PTPRM: variants seen among roughly 807,000 people sequenced by gnomAD.
PTPRM encodes the protein receptor-type tyrosine-protein phosphatase mu.
A neutral mutation model predicts 186.7 loss-of-function variants in PTPRM; 47 were observed. The ratio of observed to expected loss-of-function variants is 0.25; its 90% confidence interval spans 0.20 to 0.32. The LOEUF is 0.32. PTPRM is among the 10% of genes least tolerant of loss of function. PTPRM has a pLI of 1.00. For missense variants in PTPRM, 1,494 were observed against 1,865.0 expected, an observed-to-expected ratio of 0.80 and a Z score of 3.66; for synonymous variants, 668 against 674.9, an observed-to-expected ratio of 0.99 and a Z score of 0.16.
At chr18:7,951,616 A>G (rs1021392344) in intron 6 of PTPRM, among the ~76,000 whole-genome samples, 3 of 152,130 alleles carry the variant, frequency 2.0e-5, no homozygotes, top group Admixed American at 2.0e-4. Flanking sequence ...ATTACCAGGG[A>G]CTTATTTCCA....
At chr18:8,094,082 G>A (rs1217586309) in intron 11 of PTPRM, among the ~76,000 whole-genome samples, 1 of 152,122 alleles carries the variant, frequency 6.6e-6, no homozygotes, top group African/African-American at 2.4e-5. Context: ...GCTTAGAGGA[G>A]CCAGCTAAAT....
intron 7 of PTPRM, among the ~76,000 whole-genome samples, chr18:8,048,431 T>C (rs973785860): frequency 1.3e-5 from 2 of 152,030 alleles, no homozygotes; most frequent in African/African-American, 4.8e-5. Flanking sequence ...CAGTTGTCAG[T>C]GGGGTGCTGA....
intron 5 of PTPRM, among the ~76,000 whole-genome samples, chr18:7,930,586 C>T (rs1599573456): frequency 6.6e-6 from 1 of 152,264 alleles, no homozygotes; most frequent in East Asian, 1.9e-4. Context: ...AGTAATTCCA[C>T]TCTACTATAC....
intron 32 of PTPRM, among the ~76,000 whole-genome samples, chr18:8,401,155 T>C (rs2095870360): frequency 6.6e-6 from 1 of 152,052 alleles, no homozygotes; most frequent in South Asian, 2.1e-4. Flanking sequence ...GAACCATTCT[T>C]CTCTGCAGCC....
chr18:7,642,432 G>C (rs1000945570), intron 1 of PTPRM, among the ~76,000 whole-genome samples: 18 of 151,946 alleles, frequency 1.2e-4, no homozygotes, highest in Non-Finnish European at 2.5e-4. Context: ...TTATTACATT[G>C]GTTGGTGGCA....
chr18:7,860,998 C>A (rs1454414987), intron 2 of PTPRM, among the ~76,000 whole-genome samples: 4 of 152,194 alleles, frequency 2.6e-5, no homozygotes, highest in African/African-American at 9.6e-5. Context: ...AGTTCTTCCA[C>A]TGAGAAAGAA....
chr18:7,962,804 A>G (rs2053767260), intron 7 of PTPRM, among the ~76,000 whole-genome samples: 1 of 152,218 alleles, frequency 6.6e-6, no homozygotes. Flanking sequence ...TCTTAAATCA[A>G]AGATAGTAGT....
chr18:7,647,831 G>A (rs540124677), intron 1 of PTPRM, among the ~76,000 whole-genome samples: 2 of 152,326 alleles, frequency 1.3e-5, no homozygotes, highest in South Asian at 2.1e-4. Context: ...CAGCTCCAAA[G>A]TTGGGGTCGG....
chr18:7,803,057 C>G (rs1337858724), intron 2 of PTPRM, among the ~76,000 whole-genome samples: 4 of 152,068 alleles, frequency 2.6e-5, no homozygotes, highest in Non-Finnish European at 1.5e-5. Flanking sequence ...CTGAGACCAC[C>G]AGAACTGTAA....
chr18:7,719,689 A>G (rs1568052428), intron 1 of PTPRM, among the ~76,000 whole-genome samples: 1 of 152,192 alleles, frequency 6.6e-6, no homozygotes, highest in African/African-American at 2.4e-5. Flanking sequence ...TAAGTTTCCA[A>G]ACAAGGCAAG....
chr18:8,027,944 T>C (rs1416057938), intron 7 of PTPRM, among the ~76,000 whole-genome samples: 1 of 152,150 alleles, frequency 6.6e-6, no homozygotes, highest in South Asian at 2.1e-4. Flanking sequence ...TTCACTGTTA[T>C]CTCCTATCAC....
At chr18:7,962,670 G>A (rs886605826) in intron 7 of PTPRM, among the ~76,000 whole-genome samples, 24 of 152,180 alleles carry the variant, frequency 1.6e-4, no homozygotes, top group African/African-American at 4.8e-4. Context: ...GCATTCAACC[G>A]AAGGCTGACC....
chr18:8,197,115 A>G (rs1363310817), intron 14 of PTPRM, among the ~76,000 whole-genome samples: 1 of 152,222 alleles, frequency 6.6e-6, no homozygotes, highest in Non-Finnish European at 1.5e-5. Flanking sequence ...AAATATTCAG[A>G]AATAGTTGTT....
intron 1 of PTPRM, among the ~76,000 whole-genome samples, chr18:7,615,643 C>A (rs1035875954): frequency 1.4e-4 from 22 of 152,182 alleles, no homozygotes; most frequent in African/African-American, 5.1e-4. Context: ...AGGTGGCAGG[C>A]CTCAACATTT....
chr18:7,796,945 T>G (rs1568143516), intron 2 of PTPRM, among the ~76,000 whole-genome samples: 1 of 152,158 alleles, frequency 6.6e-6, no homozygotes, highest in African/African-American at 2.4e-5. Flanking sequence ...ACTGTGAACA[T>G]CATGACTTTT....
At chr18:8,213,417 G>A (rs986789280) in intron 14 of PTPRM, among the ~76,000 whole-genome samples, 5 of 152,320 alleles carry the variant, frequency 3.3e-5, no homozygotes, top group East Asian at 1.9e-4. Flanking sequence ...ACGGTCACCC[G>A]TGTTTATACT....
chr18:7,796,292 C>T (rs1325479263), intron 2 of PTPRM, among the ~76,000 whole-genome samples: 2 of 152,026 alleles, frequency 1.3e-5, no homozygotes, highest in Non-Finnish European at 2.9e-5. Flanking sequence ...AAGTCACAGG[C>T]CAGGCTGCAG....
intron 14 of PTPRM, among the ~76,000 whole-genome samples, chr18:8,217,425 A>T (rs914489517): frequency 6.6e-6 from 1 of 152,194 alleles, no homozygotes; most frequent in African/African-American, 2.4e-5. Flanking sequence ...TTCCACCTAC[A>T]TTCTTTCTAA....
chr18:8,151,223 C>T lies in PTPRM; in HGVS notation c.2300+7444C>T, dbSNP rs147014078. 4.0e-3 allele frequency among the ~76,000 whole-genome samples: 606 copies of T among 152,246 alleles called. 1 individual carries two copies. Among genetic ancestry groups the T allele is most frequent in the African/African-American group, 0.014 (581 of 41,554 alleles). The stretch of plus-strand genomic sequence containing the variant: ...GGGACATTTAAGTCTGCTGAAGCTG[C>T]GCCCACAGCTGCCCTTTCCCCCAGG... On this transcript the variant is annotated intron_variant, in intron 14 of 32. Coordinates refer to ENST00000580170, the MANE Select transcript of PTPRM (RefSeq NM_001105244.2).
Sources: gnomAD v4.1 joint callset for allele counts (sites outside exome capture counted in the v4.1 genomes callset) on GRCh38, gnomAD v4.1.1 for gene constraint, MANE v1.5 for transcripts, NCBI Gene and HGNC (gene_info 2026-07-23, HGNC 2026-07-21) for gene names.